DCAKD: variants seen among roughly 807,000 people sequenced by gnomAD.
The protein encoded by DCAKD is dephospho-CoA kinase domain containing.
DCAKD carries 15 observed loss-of-function variants against 18.7 expected under a neutral mutation model. The observed-to-expected ratio is 0.80, with a 90% CI of 0.54 to 1.24. The LOEUF is 1.24. Ranked by LOEUF, DCAKD falls within the 50% of genes most tolerant of loss-of-function variation. DCAKD has a pLI of 0.00. For synonymous variants in DCAKD, 130 were observed against 133.0 expected, an observed-to-expected ratio of 0.98 and a Z score of 0.16; for missense variants, 301 against 322.0, an observed-to-expected ratio of 0.93 and a Z score of 0.50.
At chr17:45,058,861 T>C (rs893924309) in intron 1 of DCAKD, among the ~76,000 whole-genome samples, 1 of 152,216 alleles carries the variant, frequency 6.6e-6, no homozygotes, top group Non-Finnish European at 1.5e-5. Context: ...CATCTTTGAC[T>C]GCCTTCCAAA....
chr17:45,058,757 C>T (rs28477362), intron 1 of DCAKD, among the ~76,000 whole-genome samples: 24 of 152,050 alleles, frequency 1.6e-4, no homozygotes, highest in African/African-American at 3.9e-4. Flanking sequence ...TCTGACCCCC[C>T]CCTTCCCTGC....
intron 1 of DCAKD, among the ~76,000 whole-genome samples, chr17:45,042,778 G>C (rs1377629997): frequency 6.6e-6 from 1 of 152,194 alleles, no homozygotes; most frequent in Non-Finnish European, 1.5e-5. Context: ...TCGTGGGCTA[G>C]GCCCATTAAG....
intron 1 of DCAKD, among the ~76,000 whole-genome samples, chr17:45,047,712 T>C (rs1430885538): frequency 6.6e-6 from 1 of 151,582 alleles, no homozygotes; most frequent in Non-Finnish European, 1.5e-5. Context: ...GGCATGTTGG[T>C]CAGGCTGGTC....
intron 4 of DCAKD, chr17:45,026,935 C>CAG: frequency 6.7e-6 from 3 of 450,600 alleles, no homozygotes; most frequent in Non-Finnish European, 8.8e-6. Context: ...GCAGCACCTC[C>CAG]GACAGCCCTT....
chr17:45,046,078 C>T (rs749207478), intron 1 of DCAKD, among the ~76,000 whole-genome samples: 7 of 126,760 alleles, frequency 5.5e-5, no homozygotes, highest in Non-Finnish European at 1.2e-4. Flanking sequence ...CCGCTTGCCT[C>T]GGCCTCCCAC....
upstream of DCAKD, among the ~76,000 whole-genome samples, chr17:45,055,737 G>A (rs886231497): frequency 5.9e-5 from 9 of 152,152 alleles, no homozygotes; most frequent in African/African-American, 2.2e-4. Flanking sequence ...TAGGCACTGT[G>A]CTAGAACTGT....
At chr17:45,051,062 CACCCTATGGG>C (rs1329651944) in intron 1 of DCAKD, among the ~76,000 whole-genome samples, 1 of 152,232 alleles carries the variant, frequency 6.6e-6, no homozygotes, top group Non-Finnish European at 1.5e-5. Context: ...ACTTTATACC[CACCCTATGGG>C]ACAGATACTG....
chr17:45,036,378 T>G (rs915985558), intron 1 of DCAKD, among the ~76,000 whole-genome samples: 3 of 152,148 alleles, frequency 2.0e-5, no homozygotes, highest in African/African-American at 7.2e-5. Flanking sequence ...TAGCCAGGCC[T>G]GGTGGCGGGC....
At chr17:45,041,314 C>T (rs541118116) in intron 1 of DCAKD, among the ~76,000 whole-genome samples, 1 of 151,604 alleles carries the variant, frequency 6.6e-6, no homozygotes, top group Admixed American at 6.6e-5. Flanking sequence ...AACATGCGGG[C>T]TCTTTTTTTT....
At chr17:45,031,723 G>A (rs2143207733) in intron 3 of DCAKD, 1 of 985,320 alleles carries the variant, frequency 1.0e-6, no homozygotes, top group African/African-American at 1.7e-5. Flanking sequence ...CAGCTATTTG[G>A]TTCACCAGCA....
intron 1 of DCAKD, among the ~76,000 whole-genome samples, chr17:45,045,290 C>T (rs2053541144): frequency 6.6e-6 from 1 of 152,148 alleles, no homozygotes; most frequent in Non-Finnish European, 1.5e-5. Context: ...TATCCTGTAG[C>T]CTCCTTTTCT....
At chr17:45,034,041 C>T (rs770392685) in intron 3 of DCAKD, 146 bp downstream of exon 3, 22 of 1,597,264 alleles carry the variant, frequency 1.4e-5, no homozygotes, top group Non-Finnish European at 1.6e-5. Context: ...TGGTACGGGG[C>T]TCTGTGTGGA....
In DCAKD at chr17:45,032,103, C is replaced by T. The variant is rs909632016; in HGVS notation, c.317-1924G>A. The T allele has an allele frequency of 7.1e-6, 7 of 985,260 alleles. No homozygotes were observed. In the African/African-American group the frequency reaches 1.0e-4, roughly 15 times the overall value. The allele number at this position is 985,260 out of a possible 1,614,324, so 61.0% of individuals were successfully genotyped here. A position where few individuals can be genotyped will look rare whatever the true frequency, so the allele number is the denominator to read the frequency against. On this transcript the variant is annotated intron_variant, in intron 3 of 4. Coordinates refer to ENST00000651974, the MANE Select transcript of DCAKD (RefSeq NM_001288655.2). The stretch of plus-strand genomic sequence containing the variant: ...GGGAGAGCCACTGCCGCCTCGAAGC[C>T]CTGCAGATATACCAGTAACTGGCAT...
intron 3 of DCAKD, chr17:45,032,213 G>A: frequency 2.7e-6 from 2 of 750,536 alleles, no homozygotes; most frequent in Non-Finnish European, 1.6e-6. Flanking sequence ...CACAACATAG[G>A]AGGCAGCACA....
At chr17:45,057,665 T>G (rs1272672656) in intron 1 of DCAKD, among the ~76,000 whole-genome samples, 1 of 146,708 alleles carries the variant, frequency 6.8e-6, no homozygotes, top group East Asian at 2.0e-4. Flanking sequence ...ATAGTGCCAC[T>G]GCACTCCAGC....
chr17:45,034,243 G>T lies in DCAKD; in HGVS notation c.260C>A (p.Thr87Asn). 6.2e-7 allele frequency: 1 copy of T among 1,614,166 alleles called. No homozygotes were observed. Residue 87 changes from threonine (T) to asparagine (N), a missense_variant, in exon 3 of 5, where the codon ACC (threonine) becomes AAC (asparagine). Physicochemically the swap from Thr to Asn is moderately conservative, Grantham distance 65 (BLOSUM62 0). Coordinates refer to ENST00000651974, the MANE Select transcript of DCAKD (RefSeq NM_001288655.2). ...PDRRQLLNAI[T>N]HPEIRKEMMK... is the part of the protein sequence containing the mutation. ...CATCTCCTTGCGAATCTCGGGGTGG[G>T]TGATGGCGTTGAGCAGCTGCCGCCG...
chr17:45,024,507 C>T lies in DCAKD; in HGVS notation c.622G>A (p.Gly208Arg), dbSNP rs1414119197. 2 of 1,613,992 alleles carry T rather than the reference C, an allele frequency of 1.2e-6. No homozygotes were observed. Among genetic ancestry groups the T allele is most frequent in the African/African-American group, 1.3e-5 (1 of 74,926 alleles). ...RSLEYLPLRF[G>R]VLTGLAAIAS... is the part of the protein sequence containing the mutation. ...ATGGCAGCGAGCCCTGTGAGGACCC[C>T]AAACCTCAGCGGCAGGTACTCCAGG... The change falls in exon 5 of 5, where the codon GGG becomes AGG. Residue 208 changes from glycine to arginine, a missense_variant. Transcript: ENST00000651974.
chr17:45,043,435 A>T lies in DCAKD; in HGVS notation c.-115+7926T>A, dbSNP rs558365622. Among the ~76,000 whole-genome samples the T allele has an allele frequency of 1.6e-4, 25 of 152,270 alleles. No homozygotes were observed. In the South Asian group the frequency reaches 5.2e-3, roughly 32 times the overall value. ...ACTTAAGGGTGTATGTATGTCCGCC[A>T]CTTGAACCCTGCAGGCTGGGCGGTA... On this transcript the variant is annotated intron_variant, in intron 1 of 4. Transcript: ENST00000651974.
chr17:45,034,671 G>C, intron 2 of DCAKD, 103 bp downstream of exon 2: 1 of 1,266,562 alleles, frequency 7.9e-7, no homozygotes, highest in South Asian at 1.4e-5. Flanking sequence ...GTCAACAGGA[G>C]CCTTCCCCTC....
Sources: gnomAD v4.1 joint callset for allele counts (sites outside exome capture counted in the v4.1 genomes callset) on GRCh38, gnomAD v4.1.1 for gene constraint, MANE v1.5 for transcripts, NCBI Gene and HGNC (gene_info 2026-07-23, HGNC 2026-07-21) for gene names.